Variants in PTCSC3 observed in about 807,000 individuals in gnomAD.
PTCSC3 encodes papillary thyroid carcinoma susceptibility candidate 3 (non-protein coding).
rs867583153 is a variant in PTCSC3, at chr14:36,143,075, A to G, written n.323-6719T>C. Among the ~76,000 whole-genome samples the G allele has an allele frequency of 2.4e-3, 362 of 151,584 alleles. 1 individual carries two copies. The highest frequency in any genetic ancestry group is 8.3e-3 in the African/African-American group (343 of 41,194). On this transcript the variant is annotated intron_variant and non_coding_transcript_variant, in intron 3 of 3. Transcript: ENST00000556013. ...TCTATCATTGTTGGACATTTGGGTTAGTTCCAAGTCTTTGCTATTGTGAAT... is the reference window on the plus strand; with the variant it reads ...TCTATCATTGTTGGACATTTGGGTTGGTTCCAAGTCTTTGCTATTGTGAAT...
intron 3 of PTCSC3, among the ~76,000 whole-genome samples, chr14:36,142,715 G>T (rs1296340907): frequency 6.6e-6 from 1 of 150,808 alleles, no homozygotes; most frequent in South Asian, 2.1e-4. Context: ...GTGCAGGTTA[G>T]TTACATATGT....
chr14:36,161,953 G>A (rs1245023741), intron 2 of PTCSC3, among the ~76,000 whole-genome samples: 1 of 152,184 alleles, frequency 6.6e-6, no homozygotes, highest in East Asian at 1.9e-4. Flanking sequence ...GTGGCTTTGC[G>A]GAGCTGCGGT....
intron 1 of PTCSC3, among the ~76,000 whole-genome samples, chr14:36,170,615 A>G (rs537697255): frequency 9.2e-5 from 14 of 152,232 alleles, no homozygotes; most frequent in African/African-American, 3.4e-4. Flanking sequence ...AGTTTAATTA[A>G]TTCACCGGAA....
intron 1 of PTCSC3, among the ~76,000 whole-genome samples, chr14:36,171,792 G>A (rs980498938): frequency 1.3e-5 from 2 of 152,158 alleles, no homozygotes; most frequent in Non-Finnish European, 2.9e-5. Context: ...GCTAGGTGGT[G>A]GGAGGGGATA....
At chr14:36,137,661 G>T (rs970690776) in intron 3 of PTCSC3, among the ~76,000 whole-genome samples, 1 of 152,146 alleles carries the variant, frequency 6.6e-6, no homozygotes, top group African/African-American at 2.4e-5. Flanking sequence ...AAAAAGAGAG[G>T]AGTCAAGGAT....
chr14:36,171,522 T>C (rs1325299626), intron 1 of PTCSC3, among the ~76,000 whole-genome samples: 1 of 152,186 alleles, frequency 6.6e-6, no homozygotes, highest in Admixed American at 6.5e-5. Context: ...CATTTGAGAC[T>C]GAGTGAGCTT....
intron 3 of PTCSC3, among the ~76,000 whole-genome samples, chr14:36,153,406 C>T (rs1881765400): frequency 6.6e-6 from 1 of 152,172 alleles, no homozygotes; most frequent in African/African-American, 2.4e-5. Context: ...AATCCTAACT[C>T]TACGCATCCA....
intron 3 of PTCSC3, among the ~76,000 whole-genome samples, chr14:36,147,285 CA>C (rs1355405740): frequency 7.9e-5 from 12 of 152,208 alleles, no homozygotes; most frequent in Non-Finnish European, 1.6e-4. Flanking sequence ...TTCTCCCCAT[CA>C]CTTTCAGGTA....
chr14:36,147,768 CT>C (rs1881614988), intron 3 of PTCSC3, among the ~76,000 whole-genome samples: 1 of 151,906 alleles, frequency 6.6e-6, no homozygotes, highest in African/African-American at 2.4e-5. Flanking sequence ...TTTTTCTGTT[CT>C]GTTTTTTCCC....
chr14:36,169,855 C>T (rs918767605), intron 1 of PTCSC3, among the ~76,000 whole-genome samples: 1 of 152,090 alleles, frequency 6.6e-6, no homozygotes, highest in Non-Finnish European at 1.5e-5. Context: ...ACAGAAGATA[C>T]AACAATCCTT....
At chr14:36,163,769 A>G (rs1309737703) in intron 1 of PTCSC3, among the ~76,000 whole-genome samples, 1 of 152,206 alleles carries the variant, frequency 6.6e-6, no homozygotes, top group Non-Finnish European at 1.5e-5. Context: ...TCCTTTGTCA[A>G]GCTCATTAAC....
At chr14:36,161,835 C>T (rs1469653604) in intron 2 of PTCSC3, among the ~76,000 whole-genome samples, 2 of 152,192 alleles carry the variant, frequency 1.3e-5, no homozygotes, top group Non-Finnish European at 2.9e-5. Flanking sequence ...CCACCCCTTC[C>T]CCCACGTGCC....
chr14:36,162,271 A>ACAAAAAAAC (rs1566509666), intron 2 of PTCSC3, among the ~76,000 whole-genome samples: 5 of 145,672 alleles, frequency 3.4e-5, no homozygotes, highest in South Asian at 2.2e-4. Context: ...AAAAAAAAAA[A>ACAAAAAAAC]AAAAAAAAAA....
At chr14:36,136,142 A>T (rs952223499) in exon 4 of PTCSC3, 1 of 152,086 alleles carries the variant, frequency 6.6e-6, no homozygotes, top group Non-Finnish European at 1.5e-5. Context: ...TTTTCTGCCT[A>T]CTTTATCTTC....
chr14:36,139,972 T>C (rs1881381238), intron 3 of PTCSC3, among the ~76,000 whole-genome samples: 1 of 152,214 alleles, frequency 6.6e-6, no homozygotes, highest in Admixed American at 6.5e-5. Context: ...AAGTCCCCTG[T>C]GCTTCACCTA....
chr14:36,164,379 G>C, intron 1 of PTCSC3: 1 of 152,040 alleles, frequency 6.6e-6, no homozygotes. Context: ...GTTGAAAGAT[G>C]GTAATATAAA....
At chr14:36,171,007 T>A (rs1397298437) in intron 1 of PTCSC3, among the ~76,000 whole-genome samples, 4 of 152,210 alleles carry the variant, frequency 2.6e-5, no homozygotes, top group Admixed American at 2.6e-4. Flanking sequence ...GTAATTTTTG[T>A]AGTACTTGTA....
downstream of PTCSC3, among the ~76,000 whole-genome samples, chr14:36,135,645 G>A (rs1398429168): frequency 2.0e-5 from 3 of 152,160 alleles, no homozygotes; most frequent in Non-Finnish European, 4.4e-5. Context: ...ATAAGCTTTA[G>A]TAATAACTTT....
intron 1 of PTCSC3, among the ~76,000 whole-genome samples, chr14:36,166,317 A>G (rs564894513): frequency 6.6e-6 from 1 of 152,342 alleles, no homozygotes; most frequent in Non-Finnish European, 1.5e-5. Flanking sequence ...AGGACGAAAC[A>G]TATTCCTAGC....
Sources: allele counts gnomAD v4.1 joint callset (sites outside exome capture counted in the v4.1 genomes callset), GRCh38; gene constraint gnomAD v4.1.1; transcripts MANE v1.5; gene names NCBI Gene and HGNC (gene_info 2026-07-23, HGNC 2026-07-21).